Variants in GRID2 observed in about 807,000 individuals in gnomAD.
GRID2 encodes the protein glutamate receptor ionotropic, delta-2.
Under a neutral mutation model 114.8 loss-of-function variants are expected in GRID2, and 33 were observed. That is an observed-to-expected ratio of 0.29 (90% CI 0.22 to 0.38). The LOEUF is 0.38. GRID2 is among the 10% of genes least tolerant of loss of function. The pLI, the probability that GRID2 is intolerant of heterozygous loss-of-function variation, is 1.00. For synonymous variants in GRID2, 505 were observed against 449.9 expected, an observed-to-expected ratio of 1.12 and a Z score of -1.55; for missense variants, 1,184 against 1,257.7, an observed-to-expected ratio of 0.94 and a Z score of 0.89.
At chr4:93,545,611 A>G in intron 13 of GRID2, among the ~76,000 whole-genome samples, 1 of 152,214 alleles carries the variant, frequency 6.6e-6, no homozygotes, top group South Asian at 2.1e-4. Flanking sequence ...CCACCTGTCC[A>G]TGGGAGCCGA....
chr4:92,412,186 T>C (rs1731372875), intron 1 of GRID2, among the ~76,000 whole-genome samples: 1 of 152,058 alleles, frequency 6.6e-6, no homozygotes. Context: ...AAAGTAATCA[T>C]GGTTTATACT....
chr4:92,444,231 C>G, intron 1 of GRID2, among the ~76,000 whole-genome samples: 1 of 152,190 alleles, frequency 6.6e-6, no homozygotes, highest in East Asian at 1.9e-4. Flanking sequence ...AAGAGACCAC[C>G]AAACAGGCTT....
chr4:92,899,937 C>G (rs1028950138), intron 2 of GRID2, among the ~76,000 whole-genome samples: 1 of 151,970 alleles, frequency 6.6e-6, no homozygotes, highest in Non-Finnish European at 1.5e-5. Context: ...TAGCCCTCGT[C>G]AAGGAGGTGA....
At chr4:93,234,434 T>C (rs1225205949) in intron 7 of GRID2, among the ~76,000 whole-genome samples, 1 of 152,108 alleles carries the variant, frequency 6.6e-6, no homozygotes, top group Non-Finnish European at 1.5e-5. Flanking sequence ...ACTTAGGGCC[T>C]AAGGGTCCCC....
rs181124855 is a variant in GRID2, at chr4:92,331,269, A to T, written c.88+26525A>T. 9.0e-4 allele frequency among the ~76,000 whole-genome samples: 137 copies of T among 152,330 alleles called. 1 individual carries two copies. The Middle Eastern group carries it at 0.014, about 15-fold the overall frequency. The stretch of plus-strand genomic sequence containing the variant: ...TTATTTTTAAGTAGAAAGGCAAGAG[A>T]AACTATGTGCTAACCACAAAAAGTG... On this transcript the variant is annotated intron_variant, in intron 1 of 15. Coordinates refer to ENST00000282020, the MANE Select transcript of GRID2 (RefSeq NM_001510.4).
chr4:93,755,172 A>G (rs1732639728), intron 14 of GRID2, among the ~76,000 whole-genome samples: 1 of 152,186 alleles, frequency 6.6e-6, no homozygotes, highest in African/African-American at 2.4e-5. Flanking sequence ...AAGGTAGGCT[A>G]TTCCTTTTAT....
intron 8 of GRID2, among the ~76,000 whole-genome samples, chr4:93,336,501 C>G (rs10001043): frequency 0.2 from 30,335 of 152,000 alleles, 6,123 homozygotes; most frequent in African/African-American, 0.52. Context: ...AATGCTTCAT[C>G]AAACATCATG....
intron 1 of GRID2, among the ~76,000 whole-genome samples, chr4:92,445,022 A>C (rs1733375487): frequency 6.6e-6 from 1 of 152,182 alleles, no homozygotes; most frequent in Non-Finnish European, 1.5e-5. Flanking sequence ...CAACTGTAGC[A>C]GACATCATGT....
intron 2 of GRID2, among the ~76,000 whole-genome samples, chr4:93,043,985 A>T (rs1351771741): frequency 1.3e-5 from 2 of 151,850 alleles, no homozygotes; most frequent in Non-Finnish European, 2.9e-5. Flanking sequence ...GTTATAAGTG[A>T]AGAAAACCTT....
intron 11 of GRID2, among the ~76,000 whole-genome samples, chr4:93,460,135 G>A (rs572704768): frequency 3.3e-4 from 50 of 152,104 alleles, no homozygotes; most frequent in Non-Finnish European, 5.6e-4. Flanking sequence ...AGTTATCCAT[G>A]CCATGGAAAG....
chr4:92,479,128 A>G (rs72661919), intron 1 of GRID2, among the ~76,000 whole-genome samples: 1 of 152,148 alleles, frequency 6.6e-6, no homozygotes, highest in Non-Finnish European at 1.5e-5. Flanking sequence ...ATATTTAACA[A>G]TGTAGTGATT....
chr4:93,748,109 T>C (rs1732006655), intron 14 of GRID2, among the ~76,000 whole-genome samples: 1 of 152,128 alleles, frequency 6.6e-6, no homozygotes, highest in Admixed American at 6.6e-5. Flanking sequence ...ATAGTTTATA[T>C]ACTATCAAGT....
intron 1 of GRID2, among the ~76,000 whole-genome samples, chr4:92,408,206 T>C (rs1349489386): frequency 6.6e-6 from 1 of 152,048 alleles, no homozygotes; most frequent in Non-Finnish European, 1.5e-5. Flanking sequence ...AGGGAATCCT[T>C]CCCCCATTGC....
intron 1 of GRID2, among the ~76,000 whole-genome samples, chr4:92,339,011 T>G (rs903172917): frequency 3.9e-5 from 6 of 152,196 alleles, no homozygotes; most frequent in Non-Finnish European, 8.8e-5. Context: ...AATCTTTAGG[T>G]GTGAAATACT....
intron 2 of GRID2, among the ~76,000 whole-genome samples, chr4:92,853,571 A>G (rs1049903620): frequency 1.3e-5 from 2 of 151,806 alleles, no homozygotes; most frequent in Admixed American, 1.3e-4. Context: ...TCCTTTTTTT[A>G]TTTGCCAGAG....
At chr4:93,104,472 A>G (rs554042303) in intron 3 of GRID2, among the ~76,000 whole-genome samples, 1 of 143,862 alleles carries the variant, frequency 7.0e-6, no homozygotes, top group South Asian at 2.2e-4. Context: ...CCCACCCCAC[A>G]ACAGTCCCCA....
At chr4:93,199,536 A>G (rs893750149) in intron 4 of GRID2, among the ~76,000 whole-genome samples, 6 of 152,202 alleles carry the variant, frequency 3.9e-5, no homozygotes, top group Non-Finnish European at 8.8e-5. Flanking sequence ...CGTTTATGAA[A>G]TAACTTTGGC....
intron 8 of GRID2, among the ~76,000 whole-genome samples, chr4:93,384,074 G>C (rs544651766): frequency 6.6e-6 from 1 of 152,242 alleles, no homozygotes; most frequent in Admixed American, 6.5e-5. Context: ...CCTGGTGAAG[G>C]CTTGCTCTCT....
intron 11 of GRID2, among the ~76,000 whole-genome samples, chr4:93,469,090 T>C (rs1285872895): frequency 6.6e-6 from 1 of 152,114 alleles, no homozygotes; most frequent in Non-Finnish European, 1.5e-5. Flanking sequence ...AAGAGATACG[T>C]CTCATTCCCA....
Sources: allele counts gnomAD v4.1 joint callset (sites outside exome capture counted in the v4.1 genomes callset), GRCh38; gene constraint gnomAD v4.1.1; transcripts MANE v1.5; gene names NCBI Gene and HGNC (gene_info 2026-07-23, HGNC 2026-07-21).